The following KBTBD4 variants were observed in gnomAD, a reference collection of about 807,000 sequenced individuals.
KBTBD4 encodes the protein kelch repeat and BTB domain-containing protein 4.
KBTBD4 carries 30 observed loss-of-function variants against 43.9 expected under a neutral mutation model. The observed-to-expected ratio is 0.68, with a 90% confidence interval of 0.51 to 0.93. The LOEUF (loss-of-function observed/expected upper bound fraction) is 0.93. Ranked by LOEUF, KBTBD4 falls within the 40% of genes least tolerant of loss-of-function variation. The probability of loss-of-function intolerance (pLI) is 0.00; values close to 1 mark genes in which losing one functional copy is unlikely to be tolerated. For missense variants in KBTBD4, 575 were observed against 668.8 expected (o/e 0.86, Z 1.55); for synonymous variants, 258 against 256.9 (o/e 1.00, Z -0.04).
In KBTBD4 at chr11:47,572,682, G is replaced by A; in HGVS notation, c.*248C>T. The A allele has an allele frequency of 3.7e-6, 2 of 537,310 alleles. No homozygotes were observed. Among genetic ancestry groups the A allele is most frequent in the Non-Finnish European group, 6.6e-6 (2 of 302,372 alleles). The allele number at this position is 537,310 out of a possible 1,614,324, so 33.3% of individuals were successfully genotyped here. ...AAAAGGCTTGCTCTAAGCAAGCTGT[G>A]GTGAGGCACAGGATGACTAGGGAAT... is the stretch of plus-strand genomic sequence containing the variant. On this transcript the variant is annotated 3_prime_UTR_variant, in exon 4 of 4. Transcript: ENST00000430070.
chr11:47,575,927 A>G (rs916645137), intron 2 of KBTBD4, among the ~76,000 whole-genome samples: 1 of 145,958 alleles, frequency 6.9e-6, no homozygotes, highest in Non-Finnish European at 1.5e-5. Context: ...CGCAATCACC[A>G]TCACCATAGC....
chr11:47,575,777 ACCAC>A, intron 2 of KBTBD4, 78 bp from the exon 3 acceptor site: 1 of 886,418 alleles, frequency 1.1e-6, no homozygotes, highest in South Asian at 1.5e-5. Flanking sequence ...AAAGATGTGA[ACCAC>A]TTTATTAGAC....
intron 3 of KBTBD4, among the ~76,000 whole-genome samples, chr11:47,575,125 G>C (rs1381032356): frequency 1.3e-5 from 2 of 151,200 alleles, no homozygotes; most frequent in Non-Finnish European, 1.5e-5. Context: ...CAGGAAAATA[G>C]CCTGAAACTG....
intron 3 of KBTBD4, among the ~76,000 whole-genome samples, chr11:47,575,368 G>A (rs1259004677): frequency 4.6e-5 from 7 of 151,868 alleles, no homozygotes; most frequent in Non-Finnish European, 8.8e-5. Context: ...TTAGCCGGGC[G>A]TGGTGGTGGG....
In KBTBD4 at chr11:47,575,704, G is replaced by A. The variant is rs563001262; in HGVS notation, c.638-5C>T. ...TCTGAGAACACGGAACTCCATCTGT[G>A]AGAGCCAGAGGAAAGGCATGGTCAA... On this transcript the variant is annotated splice_polypyrimidine_tract_variant and splice_region_variant and intron_variant, in intron 2 of 3. Coordinates refer to ENST00000430070, the MANE Select transcript of KBTBD4 (RefSeq NM_018095.6). The A allele has an allele frequency of 6.4e-6, 10 of 1,573,196 alleles. No individual in the cohort carries two copies. Among genetic ancestry groups the A allele is most frequent in the African/African-American group, 4.1e-5 (3 of 73,446 alleles).
Position 47,572,635 on chromosome 11 carries a change from G to A in KBTBD4, c.*295C>T, listed in dbSNP as rs1490432722. ...TTTAACATTGATCAGGTAAAGAGGA[G>A]AGGCTGTGCCTAAGGTCTGAGAAAA... On this transcript the variant is annotated 3_prime_UTR_variant, in exon 4 of 4. Transcript: ENST00000430070. 1 of 421,568 alleles carries A rather than the reference G, an allele frequency of 2.4e-6. No individual in the cohort carries two copies. The highest frequency in any genetic ancestry group is 4.3e-6 in the Non-Finnish European group (1 of 234,246). The allele number at this position is 421,568 out of a possible 1,614,324, so 26.1% of individuals were successfully genotyped here.
rs2153794846 is a variant in KBTBD4, at chr11:47,578,257, C to G, written c.20-229G>C. ...AATGATATAAATAAAAGTTCCAACTCTGGGTGTTTTCCTGAGAAAACACGG... is the reference window on the plus strand; with the variant it reads ...AATGATATAAATAAAAGTTCCAACTGTGGGTGTTTTCCTGAGAAAACACGG... On this transcript the variant is annotated intron_variant, in intron 1 of 3. Transcript: ENST00000430070. The G allele has an allele frequency of 5.1e-6, 3 of 592,754 alleles. No individual in the cohort carries two copies. The East Asian group carries it at 8.3e-5, about 16-fold the overall frequency. The allele number at this position is 592,754 out of a possible 1,614,324, so 36.7% of individuals were successfully genotyped here.
At chr11:47,578,541 A>C in intron 1 of KBTBD4, 1 of 684,796 alleles carries the variant, frequency 1.5e-6, no homozygotes, top group South Asian at 1.5e-5. Context: ...TGGGTCTTAC[A>C]TTTGCTCTCT....
In KBTBD4 at chr11:47,578,018, C is replaced by T. The variant is rs1482964291; in HGVS notation, c.30G>A (p.Gln10=). 3 of 1,614,062 alleles carry T rather than the reference C, an allele frequency of 1.9e-6. No homozygotes were observed. Among genetic ancestry groups the T allele is most frequent in the Non-Finnish European group, 2.5e-6 (3 of 1,180,032 alleles). Residue 10 remains glutamine, a synonymous_variant, in exon 2 of 4, where the codon CAG becomes CAA. Coordinates refer to ENST00000430070, the MANE Select transcript of KBTBD4 (RefSeq NM_018095.6). ...ATTCCATGCTAGCCAACTTCTCTCTCTGCCAGCTGTCTGCAAAGCAACACC... is the reference window on the plus strand; with the variant it reads ...ATTCCATGCTAGCCAACTTCTCTCTTTGCCAGCTGTCTGCAAAGCAACACC... The part of the protein sequence containing the change: MKGGNADSW[Q]REKLASMESP...
intron 1 of KBTBD4, chr11:47,578,265 T>C (rs995871746): frequency 1.7e-6 from 1 of 591,112 alleles, no homozygotes; most frequent in Non-Finnish European, 3.0e-6. Flanking sequence ...CTCTGGGTGT[T>C]TTCCTGAGAA....
In KBTBD4 at chr11:47,573,187, T is replaced by C. The variant is rs771134541; in HGVS notation, c.1348A>G (p.Ile450Val). The C allele has an allele frequency of 1.2e-6, 2 of 1,614,174 alleles. No individual in the cohort carries two copies. The highest frequency in any genetic ancestry group is 1.1e-5 in the South Asian group (1 of 91,080). The change falls in exon 4 of 4, where the codon ATC becomes GTC. Residue 450 changes from isoleucine to valine, a missense_variant. Transcript: ENST00000430070. The surrounding 1 kb of genome is among the most constrained non-coding windows in gnomAD (Gnocchi z 4.1). ...ACCAGGGAGTCCCCTTCAGCCACGA[T>C]GAACACCAGATCTTTATGCACAGCT... ...HAAVHKDLVF[I>V]VAEGDSLVCY...
intron 2 of KBTBD4, 98 bp from the exon 3 acceptor site, chr11:47,575,797 C>A: frequency 1.4e-6 from 1 of 727,584 alleles, no homozygotes; most frequent in African/African-American, 1.8e-5. Context: ...TAGACTACTG[C>A]TGGGCATGTG....
rs1565931279 is a variant in KBTBD4 at position 47,573,700 on chromosome 11, C to CCT, written c.834_835insAG (p.Asp279ArgfsTer6). The stretch of plus-strand genomic sequence containing the variant: ...TTTTGGCCACTTACACTGATGGAGT[C>CCT]ATCTTCTGCACAGTGCAAGGACACA... On this transcript the variant is annotated frameshift_variant, in exon 4 of 4. Transcript: ENST00000430070. LOFTEE classifies it high-confidence loss of function. The surrounding 1 kb of genome is among the most constrained non-coding windows in gnomAD (Gnocchi z 4.1). 6.2e-7 allele frequency: 1 copy of CCT among 1,608,828 alleles called. No individual in the cohort carries two copies. The highest frequency in any genetic ancestry group is 1.7e-5 in the Admixed American group (1 of 60,026).
intron 2 of KBTBD4, among the ~76,000 whole-genome samples, chr11:47,576,811 A>G (rs2097260502): frequency 6.6e-6 from 1 of 151,538 alleles, no homozygotes; most frequent in African/African-American, 2.4e-5. Flanking sequence ...CAAGTAGCTG[A>G]GACTACAGGT....
chr11:47,578,357 G>T (rs2097264293), intron 1 of KBTBD4: 2 of 567,252 alleles, frequency 3.5e-6, no homozygotes, highest in Non-Finnish European at 6.2e-6. Context: ...GCTGGGAGAG[G>T]CCTGTGATCG....
chr11:47,573,073 A>G lies in KBTBD4; in HGVS notation c.1462T>C (p.Cys488Arg). The change falls in exon 4 of 4, where the codon TGT (cysteine) becomes CGT (arginine). Residue 488 changes from cysteine (C) to arginine (R), a missense_variant. Cys to Arg is a radical substitution (Grantham distance 180). Coordinates refer to ENST00000430070, the MANE Select transcript of KBTBD4 (RefSeq NM_018095.6). The surrounding 1 kb of genome is among the most constrained non-coding windows in gnomAD (Gnocchi z 4.1). ...CGGAAGACATAGATGCTCCCGTTAC[A>G]GCTGGCAATCTTCCAGAGGGATGGG... Reference protein sequence around the residue: ...SAPSLWKIASCNGSIYVFRDR... With the variant: ...SAPSLWKIASRNGSIYVFRDR... The G allele has an allele frequency of 6.2e-7, 1 of 1,614,172 alleles. No homozygotes were observed. The highest frequency in any genetic ancestry group is 8.5e-7 in the Non-Finnish European group (1 of 1,180,034).
intron 2 of KBTBD4, among the ~76,000 whole-genome samples, chr11:47,577,131 G>A (rs1213524084): frequency 6.6e-6 from 1 of 152,086 alleles, no homozygotes; most frequent in East Asian, 1.9e-4. Context: ...CGAAGTACAG[G>A]ATAAATTAGA....
Position 47,577,660 on chromosome 11 carries a change from CCT to C in KBTBD4, c.386_387del (p.Glu129GlyfsTer7). The C allele has an allele frequency of 6.2e-7, 1 of 1,614,184 alleles. No homozygotes were observed. On this transcript the variant is annotated frameshift_variant, in exon 2 of 4. Coordinates refer to ENST00000430070, the MANE Select transcript of KBTBD4 (RefSeq NM_018095.6). LOFTEE classifies it high-confidence loss of function. ...GACACCTCATAAATTTCCTGCAACT[CCT>C]CAGCTCGAAGTTTCACAGTCCCATG... ...IYHGTVKLRA[E>X]ELQEIYEVSD...
In KBTBD4 at chr11:47,577,780, A is replaced by C; in HGVS notation, c.268T>G (p.Phe90Val). ...SAQSCFFRSMFTSNLKEAHNR... is the reference protein window; with the variant it reads ...SAQSCFFRSMVTSNLKEAHNR... ...TGGGCCTCCTTCAGGTTGGAAGTGA[A>C]CATGGATCGGAAGAAGCAGCTCTGA... The change falls in exon 2 of 4, where the codon TTC (phenylalanine) becomes GTC (valine). Residue 90 changes from phenylalanine (F) to valine (V), a missense_variant. Physicochemically the swap from Phe to Val is conservative, Grantham distance 50. Coordinates refer to ENST00000430070, the MANE Select transcript of KBTBD4 (RefSeq NM_018095.6). The C allele has an allele frequency of 6.2e-7, 1 of 1,614,216 alleles. No homozygotes were observed. The highest frequency in any genetic ancestry group is 1.6e-4 in the Middle Eastern group (1 of 6,062).
Sources: gnomAD v4.1 joint callset for allele counts (sites outside exome capture counted in the v4.1 genomes callset) on GRCh38, gnomAD v4.1.1 for gene constraint, Gnocchi (gnomAD v3.1) non-coding constraint, MANE v1.5 for transcripts, NCBI Gene and HGNC (gene_info 2026-07-23, HGNC 2026-07-21) for gene names.